Variants in SH2D4A observed in about 807,000 individuals in gnomAD.
The protein encoded by SH2D4A is SH2 domain-containing protein 4A.
Under a neutral mutation model 64.7 loss-of-function variants are expected in SH2D4A, and 70 were observed. The ratio of observed to expected loss-of-function variants is 1.08; its 90% CI spans 0.89 to 1.32. The LOEUF is 1.32. SH2D4A is among the 40% of genes most tolerant of loss of function. The pLI, the probability that SH2D4A is intolerant of heterozygous loss-of-function variation, is 0.00. For missense variants in SH2D4A, 706 were observed against 540.1 expected (o/e 1.31, Z -3.04); for synonymous variants, 268 against 200.7 (o/e 1.34, Z -2.83).
Position 19,329,247 on chromosome 8 carries a change from T to G in SH2D4A, c.182-3708T>G, listed in dbSNP as rs77055112. Among the ~76,000 whole-genome samples the G allele has an allele frequency of 5.9e-3, 895 of 152,270 alleles. 8 individuals are homozygous for G. Among genetic ancestry groups the G allele is most frequent in the African/African-American group, 0.02 (840 of 41,542 alleles). ...TTTCTCTTCTGTCTTTACAGAGCAA[T>G]CTCTCCATCCCCTGAATCCTCACTG... On this transcript the variant is annotated intron_variant, in intron 2 of 9. Coordinates refer to ENST00000265807, the MANE Select transcript of SH2D4A (RefSeq NM_022071.4).
chr8:19,359,488 G>T lies in SH2D4A; in HGVS notation c.595-1715G>T, dbSNP rs374442665. Among the ~76,000 whole-genome samples, 6 of 152,262 alleles carry T rather than the reference G, an allele frequency of 3.9e-5. No homozygotes were observed. The South Asian group carries it at 8.3e-4, about 21-fold the overall frequency. ...TTTAAAAATAAACACGTATGCATGT[G>T]GAAGGATGAACAAAGCTCCACTTTG... is the stretch of plus-strand genomic sequence containing the variant. On this transcript the variant is annotated intron_variant, in intron 5 of 9. Transcript: ENST00000265807.
intron 3 of SH2D4A, among the ~76,000 whole-genome samples, chr8:19,333,532 C>G (rs1472241752): frequency 6.6e-6 from 1 of 152,078 alleles, no homozygotes; most frequent in Non-Finnish European, 1.5e-5. Flanking sequence ...AATGCAGTGA[C>G]TGTGCAAGCT....
At chr8:19,314,022 C>T in intron 1 of SH2D4A, 199 bp downstream of exon 1, 1 of 1,134,118 alleles carries the variant, frequency 8.8e-7, no homozygotes, top group East Asian at 4.4e-5. Flanking sequence ...GCGAGAGCGG[C>T]CGCGGCGGGT....
At chr8:19,341,695 TAGTC>T (rs1166138049) in intron 4 of SH2D4A, among the ~76,000 whole-genome samples, 1 of 151,834 alleles carries the variant, frequency 6.6e-6, no homozygotes, top group Non-Finnish European at 1.5e-5. Context: ...ACACAAAAAT[TAGTC>T]AGGCATGGTG....
chr8:19,314,527 G>C (rs1204269227), intron 1 of SH2D4A, among the ~76,000 whole-genome samples: 2 of 152,096 alleles, frequency 1.3e-5, no homozygotes, highest in Admixed American at 1.3e-4. Flanking sequence ...TCCTGGACTC[G>C]GGGGTCACGC....
At chr8:19,327,872 C>T (rs946296548) in intron 2 of SH2D4A, among the ~76,000 whole-genome samples, 4 of 152,192 alleles carry the variant, frequency 2.6e-5, no homozygotes, top group Non-Finnish European at 5.9e-5. Flanking sequence ...CCTTTGTAGC[C>T]TGCCCCACTG....
intron 2 of SH2D4A, among the ~76,000 whole-genome samples, chr8:19,323,251 G>A (rs181582432): frequency 2.9e-4 from 44 of 151,928 alleles, no homozygotes; most frequent in Admixed American, 1.4e-3. Flanking sequence ...GTAAACTACC[G>A]GATTTCAAAG....
intron 5 of SH2D4A, among the ~76,000 whole-genome samples, chr8:19,359,550 C>T (rs2052845973): frequency 6.6e-6 from 1 of 152,156 alleles, no homozygotes; most frequent in Admixed American, 6.5e-5. Context: ...TTGCTAGCAG[C>T]ACATGTATCT....
chr8:19,326,027 T>C (rs918299446), intron 2 of SH2D4A, among the ~76,000 whole-genome samples: 5 of 152,216 alleles, frequency 3.3e-5, no homozygotes, highest in African/African-American at 9.6e-5. Flanking sequence ...CACCCCAGCG[T>C]CCCTTTTCAA....
At chr8:19,331,630 A>G (rs1431650096) in intron 2 of SH2D4A, among the ~76,000 whole-genome samples, 1 of 152,206 alleles carries the variant, frequency 6.6e-6, no homozygotes, top group Non-Finnish European at 1.5e-5. Flanking sequence ...ATCTTCTCAC[A>G]GGCTGGTGTG....
intron 1 of SH2D4A, among the ~76,000 whole-genome samples, 155 bp from the exon 2 acceptor site, chr8:19,319,189 C>G (rs1181935313): frequency 1.3e-5 from 2 of 151,630 alleles, no homozygotes; most frequent in African/African-American, 4.8e-5. Context: ...TATACAAACT[C>G]TTAACAAAGT....
chr8:19,339,494 T>C (rs1212008322), intron 4 of SH2D4A, among the ~76,000 whole-genome samples: 5 of 50,528 alleles, frequency 9.9e-5, no homozygotes, highest in South Asian at 1.1e-3. Flanking sequence ...CTATAAACTT[T>C]CTTTTTTTTT....
chr8:19,332,132 A>G (rs1166001675), intron 2 of SH2D4A, among the ~76,000 whole-genome samples: 3 of 152,136 alleles, frequency 2.0e-5, no homozygotes, highest in Admixed American at 6.5e-5. Context: ...AAAATACAAT[A>G]TAAATAAAAT....
chr8:19,357,872 G>C (rs1215796701), intron 5 of SH2D4A, among the ~76,000 whole-genome samples: 1 of 152,182 alleles, frequency 6.6e-6, no homozygotes, highest in African/African-American at 2.4e-5. Context: ...AGTAGGATTT[G>C]ACCTACCGAG....
chr8:19,343,159 T>C, intron 4 of SH2D4A, among the ~76,000 whole-genome samples: 1 of 152,158 alleles, frequency 6.6e-6, no homozygotes, highest in Non-Finnish European at 1.5e-5. Context: ...GTGTAGTGGC[T>C]CATGCCTGCA....
At chr8:19,330,722 G>T (rs1277351111) in intron 2 of SH2D4A, among the ~76,000 whole-genome samples, 3 of 151,772 alleles carry the variant, frequency 2.0e-5, no homozygotes, top group Non-Finnish European at 4.4e-5. Context: ...TCTTCCCCTG[G>T]CACAGTGCCA....
chr8:19,369,953 TAAA>T, intron 7 of SH2D4A, among the ~76,000 whole-genome samples: 1 of 152,234 alleles, frequency 6.6e-6, no homozygotes, highest in African/African-American at 2.4e-5. Context: ...TTTATTGGAA[TAAA>T]CATCACTCTT....
intron 5 of SH2D4A, among the ~76,000 whole-genome samples, chr8:19,358,079 T>C (rs1030353655): frequency 6.6e-6 from 1 of 152,194 alleles, no homozygotes; most frequent in African/African-American, 2.4e-5. Context: ...TGTAGTCCTG[T>C]GTGCATACTG....
intron 8 of SH2D4A, among the ~76,000 whole-genome samples, chr8:19,389,551 C>T (rs554626765): frequency 6.6e-6 from 1 of 152,198 alleles, no homozygotes; most frequent in African/African-American, 2.4e-5. Context: ...CTGCTCTGCC[C>T]CAGGCTCTTC....
Sources: gnomAD v4.1 joint callset for allele counts (sites outside exome capture counted in the v4.1 genomes callset) on GRCh38, gnomAD v4.1.1 for gene constraint, MANE v1.5 for transcripts, NCBI Gene and HGNC (gene_info 2026-07-23, HGNC 2026-07-21) for gene names.